The following BANF2 variants were observed in gnomAD, a reference collection of about 807,000 sequenced individuals.
BANF2 encodes BANF family member 2.
Under a neutral mutation model 8.0 loss-of-function variants are expected in BANF2, and 4 were observed. The ratio of observed to expected loss-of-function variants is 0.50; its 90% CI spans 0.25 to 1.14. BANF2 has a LOEUF of 1.14. Ranked by LOEUF, BANF2 falls within the 50% of genes most tolerant of loss-of-function variation. BANF2 has a pLI of 0.16. For synonymous variants in BANF2, 50 were observed against 40.6 expected (o/e 1.23, Z -0.88); for missense variants, 96 against 107.5 (o/e 0.89, Z 0.47).
chr20:17,733,528 CTA>C (rs1187293560), intron 3 of BANF2, among the ~76,000 whole-genome samples: 1 of 152,188 alleles, frequency 6.6e-6, no homozygotes, highest in Non-Finnish European at 1.5e-5. Flanking sequence ...GGACACAGCT[CTA>C]TGTCTCTCGT....
At chr20:17,715,127 C>G (rs1459919907) in intron 1 of BANF2, among the ~76,000 whole-genome samples, 1 of 152,196 alleles carries the variant, frequency 6.6e-6, no homozygotes, top group African/African-American at 2.4e-5. Flanking sequence ...AGACAAGGAT[C>G]TCCTACCCTC....
chr20:17,698,095 T>C (rs2037365078), upstream of BANF2, among the ~76,000 whole-genome samples: 1 of 151,818 alleles, frequency 6.6e-6, no homozygotes. Flanking sequence ...TAAATCCCAG[T>C]TACTTTGGAG....
intron 1 of BANF2, among the ~76,000 whole-genome samples, chr20:17,694,326 C>A (rs6044957): frequency 0.84 from 127,889 of 152,032 alleles, 54,460 homozygotes; most frequent in East Asian, 0.98. Context: ...TGGAGCTGAA[C>A]TCTGAATCAC....
At chr20:17,700,906 G>C (rs911355) in intron 1 of BANF2, among the ~76,000 whole-genome samples, 28,120 of 152,178 alleles carry the variant, frequency 0.18, 3,095 homozygotes, top group African/African-American at 0.3. Flanking sequence ...CCATCTGTGA[G>C]TGCCAACACG....
At chr20:17,702,864 C>T (rs1461655512) in intron 1 of BANF2, among the ~76,000 whole-genome samples, 2 of 152,174 alleles carry the variant, frequency 1.3e-5, no homozygotes, top group African/African-American at 2.4e-5. Flanking sequence ...GCACACAGGG[C>T]CACTGGGCAC....
intron 1 of BANF2, among the ~76,000 whole-genome samples, chr20:17,707,768 C>T (rs1244687629): frequency 2.0e-5 from 3 of 151,520 alleles, no homozygotes; most frequent in South Asian, 2.1e-4. Flanking sequence ...TTAGTAGAGA[C>T]GAAGTTTCAC....
At chr20:17,708,120 G>A (rs974832093) in intron 1 of BANF2, among the ~76,000 whole-genome samples, 12 of 150,390 alleles carry the variant, frequency 8.0e-5, no homozygotes, top group East Asian at 5.9e-4. Flanking sequence ...CCAGCTACTC[G>A]AGAGGCTGAG....
chr20:17,725,147 A>G lies in BANF2; in HGVS notation c.122A>G (p.Asn41Ser), dbSNP rs767030380. ...LAINLVTKGI[N>S]KAYILLGQFL... is the part of the protein sequence containing the mutation. ...ATCAATTTGGTCACCAAAGGTATCA[A>G]TAAGGTAATTCATATTTTCTTACTT... is the stretch of plus-strand genomic sequence containing the variant. Residue 41 changes from asparagine to serine, a missense_variant, in exon 3 of 4, where the codon AAT (asparagine) becomes AGT (serine). Transcript: ENST00000246090. 10 of 1,611,672 alleles carry G rather than the reference A, an allele frequency of 6.2e-6. No homozygotes were observed. The highest frequency in any genetic ancestry group is 2.2e-5 in the East Asian group (1 of 44,878).
chr20:17,701,139 C>T (rs1037632458), intron 1 of BANF2, among the ~76,000 whole-genome samples: 21 of 152,154 alleles, frequency 1.4e-4, no homozygotes, highest in Admixed American at 1.0e-3. Flanking sequence ...AAATCCAAGA[C>T]GCCAATGGTT....
intron 1 of BANF2, chr20:17,712,577 T>C (rs898179747): frequency 7.3e-6 from 7 of 963,278 alleles, no homozygotes; most frequent in East Asian, 1.2e-4. Flanking sequence ...TGAACGTTCA[T>C]CTTTCTTTTC....
intron 1 of BANF2, among the ~76,000 whole-genome samples, chr20:17,719,293 T>A (rs2037697119): frequency 6.6e-6 from 1 of 151,946 alleles, no homozygotes; most frequent in Non-Finnish European, 1.5e-5. Flanking sequence ...CCCAGCTAAT[T>A]TTTTTCTTTT....
chr20:17,727,894 A>G (rs1001668155), intron 3 of BANF2, among the ~76,000 whole-genome samples: 5 of 152,058 alleles, frequency 3.3e-5, no homozygotes, highest in Non-Finnish European at 5.9e-5. Flanking sequence ...ACGCACCACT[A>G]TGCCCAGCTA....
At chr20:17,716,494 T>C (rs1299399215) in intron 1 of BANF2, among the ~76,000 whole-genome samples, 4 of 151,698 alleles carry the variant, frequency 2.6e-5, no homozygotes, top group African/African-American at 7.3e-5. Flanking sequence ...CCACCATGCC[T>C]GGCTAATTTT....
intron 1 of BANF2, among the ~76,000 whole-genome samples, chr20:17,714,534 G>A (rs1361680899): frequency 6.6e-6 from 1 of 152,230 alleles, no homozygotes; most frequent in African/African-American, 2.4e-5. Flanking sequence ...CAAGGAAGGT[G>A]GAGGCTGCAC....
intron 1 of BANF2, among the ~76,000 whole-genome samples, chr20:17,713,034 G>A (rs1418059871): frequency 6.6e-6 from 1 of 152,060 alleles, no homozygotes; most frequent in Non-Finnish European, 1.5e-5. Context: ...GATTGCTTGA[G>A]GCCAGGAGTT....
chr20:17,699,404 C>T (rs1272733913), upstream of BANF2, among the ~76,000 whole-genome samples: 1 of 152,152 alleles, frequency 6.6e-6, no homozygotes, highest in Non-Finnish European at 1.5e-5. Flanking sequence ...TAAAAGACAC[C>T]TGTGTTGAAT....
At chr20:17,708,143 C>G in intron 1 of BANF2, among the ~76,000 whole-genome samples, 1 of 151,362 alleles carries the variant, frequency 6.6e-6, no homozygotes, top group Non-Finnish European at 1.5e-5. Flanking sequence ...AGAAGAATCA[C>G]TTGAAACCAG....
intron 1 of BANF2, among the ~76,000 whole-genome samples, chr20:17,705,896 T>C (rs1163948036): frequency 6.6e-6 from 1 of 152,240 alleles, no homozygotes; most frequent in Non-Finnish European, 1.5e-5. Flanking sequence ...GTGTTTTCCT[T>C]TCTCCCACAT....
intron 1 of BANF2, among the ~76,000 whole-genome samples, chr20:17,702,162 G>A (rs533461391): frequency 1.3e-5 from 2 of 152,128 alleles, no homozygotes; most frequent in Non-Finnish European, 2.9e-5. Context: ...TCCATCTGCC[G>A]CCTCCCAGCT....
Sources: gnomAD v4.1 joint callset for allele counts (sites outside exome capture counted in the v4.1 genomes callset) on GRCh38, gnomAD v4.1.1 for gene constraint, MANE v1.5 for transcripts, NCBI Gene and HGNC (gene_info 2026-07-23, HGNC 2026-07-21) for gene names.